GRAMD1B: variants seen among roughly 807,000 people sequenced by gnomAD.
GRAMD1B encodes the protein GRAM domain containing 1B.
A neutral mutation model predicts 99.7 loss-of-function variants in GRAMD1B; 37 were observed. The observed-to-expected ratio is 0.37, with a 90% confidence interval of 0.29 to 0.49. GRAMD1B has a LOEUF of 0.49. Ranked by LOEUF, GRAMD1B falls within the 20% of genes least tolerant of loss-of-function variation. GRAMD1B has a pLI of 0.98. For synonymous variants in GRAMD1B, 427 were observed against 387.6 expected (o/e 1.10, Z -1.19); for missense variants, 888 against 1,009.2 (o/e 0.88, Z 1.63).
At position 123,617,428 on chromosome 11, in the gene GRAMD1B, A is replaced by G. The variant is rs1285588473; in HGVS notation, c.2319-1265A>G. 2.0e-5 allele frequency among the ~76,000 whole-genome samples: 3 copies of G among 151,988 alleles called. 1 individual carries two copies. The highest frequency in any genetic ancestry group is 4.2e-4 in the South Asian group (2 of 4,816). ...GGTTTTGAACTCCCCAGCTCAAGCA[A>G]TCCACCCACCTTGGCCTCCCAAAGT... On this transcript the variant is annotated intron_variant, in intron 17 of 19. Transcript: ENST00000635736.
intron 17 of GRAMD1B, among the ~76,000 whole-genome samples, chr11:123,616,091 G>A (rs1275071): frequency 0.33 from 50,883 of 151,994 alleles, 9,853 homozygotes; most frequent in South Asian, 0.5. Flanking sequence ...TGGGAGGCTG[G>A]GGCAGGCGGA....
At position 123,574,905 on chromosome 11, in the gene GRAMD1B, G is replaced by T. The variant is rs116316443; in HGVS notation, c.453-2462G>T. Among the ~76,000 whole-genome samples, 1,174 of 152,280 alleles carry T rather than the reference G, an allele frequency of 7.7e-3. 16 individuals carry two copies. Among genetic ancestry groups the T allele is most frequent in the African/African-American group, 0.025 (1,041 of 41,550 alleles). Reference sequence around the variant, plus strand: ...CTGGGTAGCAAGAGTTGAGACAGTAGTTGAGACCGGCAGAGGAGTAGAAGA... The same window carrying T: ...CTGGGTAGCAAGAGTTGAGACAGTATTTGAGACCGGCAGAGGAGTAGAAGA... On this transcript the variant is annotated intron_variant, in intron 2 of 19. Transcript: ENST00000635736.
chr11:123,567,911 C>T (rs775214628), intron 2 of GRAMD1B, among the ~76,000 whole-genome samples: 3 of 152,198 alleles, frequency 2.0e-5, no homozygotes, highest in Non-Finnish European at 2.9e-5. Flanking sequence ...TGAACTTTGC[C>T]CTTATGTTAA....
chr11:123,401,824 G>A (rs1591439100), intron 1 of GRAMD1B, among the ~76,000 whole-genome samples: 1 of 152,182 alleles, frequency 6.6e-6, no homozygotes, highest in East Asian at 1.9e-4. Flanking sequence ...TGAAAGGATA[G>A]CTTGAGCCTG....
intron 1 of GRAMD1B, among the ~76,000 whole-genome samples, chr11:123,368,417 A>C (rs867085997): frequency 1.1e-4 from 16 of 151,964 alleles, no homozygotes; most frequent in African/African-American, 3.4e-4. Context: ...ACAGTGGTTC[A>C]CAGCTGTAAT....
chr11:123,368,275 A>AAAAAAAAAAG (rs60644137), intron 1 of GRAMD1B, among the ~76,000 whole-genome samples: 33 of 127,136 alleles, frequency 2.6e-4, no homozygotes, highest in African/African-American at 9.8e-4. Flanking sequence ...AAAAAAAAAA[A>AAAAAAAAAAG]AAAGAAAGAA....
intron 1 of GRAMD1B, among the ~76,000 whole-genome samples, chr11:123,365,789 T>C (rs1946300685): frequency 6.6e-6 from 1 of 152,224 alleles, no homozygotes; most frequent in Admixed American, 6.5e-5. Flanking sequence ...TGTTACTCAC[T>C]GCCAAGTTTT....
chr11:123,593,956 T>C, intron 4 of GRAMD1B, 126 bp from the exon 5 acceptor site: 1 of 689,946 alleles, frequency 1.4e-6, no homozygotes, highest in Non-Finnish European at 2.6e-6. Context: ...CCTCCTAGGG[T>C]CTGTGGGAGG....
intron 9 of GRAMD1B, among the ~76,000 whole-genome samples, chr11:123,604,304 T>A (rs1294726754): frequency 6.6e-6 from 1 of 152,148 alleles, no homozygotes; most frequent in Non-Finnish European, 1.5e-5. Flanking sequence ...AAGGACTGCC[T>A]GGGAGCACTC....
chr11:123,483,392 T>A (rs1375691375), intron 2 of GRAMD1B, among the ~76,000 whole-genome samples: 1 of 89,376 alleles, frequency 1.1e-5, no homozygotes, highest in Non-Finnish European at 2.6e-5. Flanking sequence ...TTTCTTTTTC[T>A]TTTTTTTTTT....
At chr11:123,552,264 T>C (rs913522322) in intron 2 of GRAMD1B, among the ~76,000 whole-genome samples, 5 of 128,970 alleles carry the variant, frequency 3.9e-5, no homozygotes, top group African/African-American at 1.5e-4. Flanking sequence ...AGTTGTCTTC[T>C]CTTTCTTTCT....
At position 123,430,945 on chromosome 11, in the gene GRAMD1B, A is replaced by ATGCGCCG; in HGVS notation, c.153_154insTGCGCCG (p.Gln52CysfsTer74). 3 of 702,836 alleles carry ATGCGCCG rather than the reference A, an allele frequency of 4.3e-6. No individual in the cohort carries two copies. The highest frequency in any genetic ancestry group is 7.8e-6 in the Non-Finnish European group (3 of 384,876). 43.5% of individuals were successfully genotyped at this position (702,836 alleles called of 1,614,324 possible). ...TCAAGATGCGCCGCATGAAGAACGTACAGGAGCAGAGCCTGGAGGCCGGGC... is the reference window on the plus strand; with the variant it reads ...TCAAGATGCGCCGCATGAAGAACGTATGCGCCGCAGGAGCAGAGCCTGGAGGCCGGGC... On this transcript the variant is annotated frameshift_variant, in exon 1 of 20. Transcript: ENST00000635736.
At chr11:123,535,443 G>T (rs573847045) in intron 2 of GRAMD1B, among the ~76,000 whole-genome samples, 4 of 152,176 alleles carry the variant, frequency 2.6e-5, no homozygotes, top group Non-Finnish European at 5.9e-5. Context: ...CACACTCCTT[G>T]ATGAGTGAAA....
chr11:123,590,416 C>G (rs191336332), intron 4 of GRAMD1B, among the ~76,000 whole-genome samples: 1 of 152,202 alleles, frequency 6.6e-6, no homozygotes, highest in Non-Finnish European at 1.5e-5. Context: ...CACCTCCCCT[C>G]CCTACTCCAC....
intron 1 of GRAMD1B, among the ~76,000 whole-genome samples, chr11:123,377,449 A>G (rs75211719): frequency 0.014 from 2,064 of 152,324 alleles, 27 homozygotes; most frequent in East Asian, 0.059. Flanking sequence ...TAGGAGAAAC[A>G]GAGTTGAGCA....
intron 1 of GRAMD1B, among the ~76,000 whole-genome samples, chr11:123,465,785 A>G (rs1950630800): frequency 6.6e-6 from 1 of 151,726 alleles, no homozygotes; most frequent in African/African-American, 2.4e-5. Context: ...AAAAAAAAAA[A>G]AAAGAAACAC....
intron 4 of GRAMD1B, among the ~76,000 whole-genome samples, chr11:123,589,032 A>C (rs1349565847): frequency 2.0e-5 from 3 of 151,960 alleles, no homozygotes; most frequent in Admixed American, 2.0e-4. Flanking sequence ...TGCACAAAGA[A>C]AAGTGCTGAC....
At chr11:123,581,757 A>G (rs967091198) in intron 3 of GRAMD1B, among the ~76,000 whole-genome samples, 7 of 152,204 alleles carry the variant, frequency 4.6e-5, no homozygotes, top group African/African-American at 7.2e-5. Context: ...CATTAGATAT[A>G]AGAGCATCAC....
chr11:123,463,727 C>T (rs1220922444), intron 1 of GRAMD1B, among the ~76,000 whole-genome samples: 1 of 152,038 alleles, frequency 6.6e-6, no homozygotes, highest in Non-Finnish European at 1.5e-5. Context: ...GACACAGCGC[C>T]CAATAGGCCA....
Sources: allele counts gnomAD v4.1 joint callset (sites outside exome capture counted in the v4.1 genomes callset), GRCh38; gene constraint gnomAD v4.1.1; transcripts MANE v1.5; gene names NCBI Gene and HGNC (gene_info 2026-07-23, HGNC 2026-07-21).